Variants in ADORA2B observed in about 807,000 individuals in gnomAD.
ADORA2B encodes adenosine A2b receptor, also known as adenosine receptor A2b.
A neutral mutation model predicts 20.8 loss-of-function variants in ADORA2B; 18 were observed. The observed-to-expected ratio is 0.87, with a 90% CI of 0.60 to 1.29. The LOEUF is 1.29. Ranked by LOEUF, ADORA2B falls within the 50% of genes most tolerant of loss-of-function variation. The probability of loss-of-function intolerance (pLI) is 0.00; values close to 1 mark genes in which losing one functional copy is unlikely to be tolerated. For synonymous variants in ADORA2B, 179 were observed against 178.3 expected (o/e 1.00, Z -0.03); for missense variants, 441 against 422.7 (o/e 1.04, Z -0.38).
intron 1 of ADORA2B, chr17:15,974,208 CTA>C (rs142477397): frequency 0.017 from 2,752 of 159,004 alleles, 34 homozygotes; most frequent in Non-Finnish European, 0.027. Flanking sequence ...TGAGTGCAGG[CTA>C]TAGTCTGTTT....
At chr17:15,968,608 T>C (rs1227581997) in intron 1 of ADORA2B, among the ~76,000 whole-genome samples, 1 of 152,162 alleles carries the variant, frequency 6.6e-6, no homozygotes, top group Non-Finnish European at 1.5e-5. Context: ...ATTTGTGAGT[T>C]GAACATGGAA....
chr17:15,893,614 C>T, the ADORA2B span, among the ~76,000 whole-genome samples: 7 of 152,088 alleles, frequency 4.6e-5, no homozygotes, highest in Admixed American at 3.3e-4. Context: ...CCTTGGCCAG[C>T]ATTTTTCAAA....
At chr17:15,873,699 C>T in the ADORA2B span, among the ~76,000 whole-genome samples, 3 of 152,074 alleles carry the variant, frequency 2.0e-5, no homozygotes, top group Non-Finnish European at 4.4e-5. Context: ...TGAGAGACCA[C>T]GTTACTCCTG....
the ADORA2B span, among the ~76,000 whole-genome samples, chr17:15,876,449 C>CTTTTTTTTTTTTTTT: frequency 8.4e-5 from 10 of 119,300 alleles, no homozygotes; most frequent in Non-Finnish European, 1.7e-4. Context: ...TTTCTTTTTT[C>CTTTTTTTTTTTTTTT]TTTTTTTTTT....
At chr17:15,890,709 A>G in the ADORA2B span, among the ~76,000 whole-genome samples, 1 of 152,180 alleles carries the variant, frequency 6.6e-6, no homozygotes, top group Non-Finnish European at 1.5e-5. Context: ...TGGGAACAAT[A>G]TCCGCCTCCC....
the ADORA2B span, among the ~76,000 whole-genome samples, chr17:15,923,463 G>A: frequency 6.6e-6 from 1 of 151,138 alleles, no homozygotes; most frequent in South Asian, 2.1e-4. Context: ...GGAGTGCAGT[G>A]GCGCGATCTC....
chr17:15,855,248 T>TC, the ADORA2B span, among the ~76,000 whole-genome samples: 2 of 152,058 alleles, frequency 1.3e-5, no homozygotes, highest in East Asian at 1.9e-4. Context: ...ACTCATTTAA[T>TC]CCCCCCCAAC....
At chr17:15,942,893 C>T (rs142557442), upstream of ADORA2B, among the ~76,000 whole-genome samples, 15 of 152,300 alleles carry the variant, frequency 9.8e-5, no homozygotes, top group African/African-American at 3.6e-4. Flanking sequence ...CCTGGTATAG[C>T]TGGAACCACC....
At chr17:15,853,194 A>G in the ADORA2B span, among the ~76,000 whole-genome samples, 3 of 152,110 alleles carry the variant, frequency 2.0e-5, no homozygotes, top group Non-Finnish European at 4.4e-5. Context: ...GATGGAAGCC[A>G]GAAGACAATG....
the ADORA2B span, among the ~76,000 whole-genome samples, chr17:15,918,465 G>T: frequency 4.2e-4 from 64 of 152,112 alleles, no homozygotes; most frequent in Non-Finnish European, 7.9e-4. Flanking sequence ...GATAAACAAT[G>T]AATAATTTCT....
chr17:15,958,285 T>G (rs1347886033), intron 1 of ADORA2B, among the ~76,000 whole-genome samples: 1 of 152,228 alleles, frequency 6.6e-6, no homozygotes, highest in Non-Finnish European at 1.5e-5. Context: ...TCCAAAGTGC[T>G]GGGATTGCAG....
chr17:15,866,583 T>C, the ADORA2B span, among the ~76,000 whole-genome samples: 1 of 151,836 alleles, frequency 6.6e-6, no homozygotes, highest in African/African-American at 2.4e-5. Flanking sequence ...TCCTTATTGC[T>C]TTTAAGAATT....
chr17:15,971,629 A>AT (rs34445090), intron 1 of ADORA2B, among the ~76,000 whole-genome samples: 65,716 of 127,944 alleles, frequency 0.51, 17,782 homozygotes, highest in Middle Eastern at 0.59. Context: ...TGTAATGGCC[A>AT]TTTTTTTTTT....
the ADORA2B span, among the ~76,000 whole-genome samples, chr17:15,866,756 T>C: frequency 6.7e-6 from 1 of 149,796 alleles, no homozygotes; most frequent in Non-Finnish European, 1.5e-5. Flanking sequence ...CCGCTGCCTC[T>C]CTTTCCACAG....
chr17:15,868,532 G>C, the ADORA2B span, among the ~76,000 whole-genome samples: 2 of 138,114 alleles, frequency 1.4e-5, no homozygotes, highest in Admixed American at 1.5e-4. Flanking sequence ...CAGCACTTTG[G>C]GAGGCCGAGG....
chr17:15,867,546 C>T, the ADORA2B span, among the ~76,000 whole-genome samples: 5 of 149,980 alleles, frequency 3.3e-5, no homozygotes, highest in African/African-American at 5.0e-5. Flanking sequence ...CGTCTCCGCC[C>T]GGCAGCCACC....
chr17:15,901,075 G>A, the ADORA2B span, among the ~76,000 whole-genome samples: 1 of 152,090 alleles, frequency 6.6e-6, no homozygotes, highest in Admixed American at 6.6e-5. Flanking sequence ...ACACAGACTG[G>A]GTGCTGCAGG....
At chr17:15,945,101 C>T (rs1177425749), upstream of ADORA2B, 4 of 642,758 alleles carry the variant, frequency 6.2e-6, no homozygotes, top group African/African-American at 1.9e-5. Context: ...CCGTGGGTCC[C>T]GGCCACCAGC....
chr17:15,966,337 G>A (rs1970114992), intron 1 of ADORA2B, among the ~76,000 whole-genome samples: 1 of 152,148 alleles, frequency 6.6e-6, no homozygotes, highest in Non-Finnish European at 1.5e-5. Flanking sequence ...GCGGGTTCTG[G>A]GGCTAGTGTT....
Sources: allele counts gnomAD v4.1 joint callset (sites outside exome capture counted in the v4.1 genomes callset), GRCh38; gene constraint gnomAD v4.1.1; transcripts MANE v1.5; gene names NCBI Gene and HGNC (gene_info 2026-07-23, HGNC 2026-07-21).